Variants in ZPBP observed in about 807,000 individuals in gnomAD.
ZPBP encodes the protein zona pellucida-binding protein 1.
A neutral mutation model predicts 44.8 loss-of-function variants in ZPBP; 26 were observed. The ratio of observed to expected loss-of-function variants is 0.58; its 90% CI spans 0.43 to 0.81. The LOEUF is 0.81. Among genes scored for constraint, ZPBP ranks in the 30% least tolerant of loss-of-function variants. The pLI is 0.00. For synonymous variants in ZPBP, 174 were observed against 153.2 expected (o/e 1.14, Z -1.00); for missense variants, 409 against 434.0 (o/e 0.94, Z 0.51).
At chr7:49,923,077 T>G (rs977422) in intron 1 of ZPBP, among the ~76,000 whole-genome samples, 28,311 of 152,092 alleles carry the variant, frequency 0.19, 3,775 homozygotes, top group East Asian at 0.63. Context: ...ACAGATCAAA[T>G]GCAAAGAAGT....
chr7:49,902,777 A>T (rs1347526830), intron 1 of ZPBP, among the ~76,000 whole-genome samples: 1 of 152,066 alleles, frequency 6.6e-6, no homozygotes, highest in African/African-American at 2.4e-5. Context: ...GAAATATAAA[A>T]TTTTTTTGAA....
At chr7:49,968,831 G>T (rs1467572573) in intron 7 of ZPBP, among the ~76,000 whole-genome samples, 1 of 151,496 alleles carries the variant, frequency 6.6e-6, no homozygotes, top group Non-Finnish European at 1.5e-5. Flanking sequence ...CAACAGAATG[G>T]GTAAACTGAC....
At chr7:50,025,742 A>C (rs1462094628) in intron 5 of ZPBP, among the ~76,000 whole-genome samples, 3 of 151,890 alleles carry the variant, frequency 2.0e-5, no homozygotes, top group African/African-American at 7.2e-5. Context: ...TGCATGTAAA[A>C]ATGTGTGTGT....
At chr7:49,951,546 T>TC (rs1467313662) in intron 7 of ZPBP, among the ~76,000 whole-genome samples, 1 of 151,626 alleles carries the variant, frequency 6.6e-6, no homozygotes, top group East Asian at 1.9e-4. Flanking sequence ...AAACTTTTTT[T>TC]TTTTTTTTTT....
At chr7:49,861,473 A>T (rs920905796) in intron 2 of ZPBP, among the ~76,000 whole-genome samples, 1 of 152,124 alleles carries the variant, frequency 6.6e-6, no homozygotes, top group Non-Finnish European at 1.5e-5. Flanking sequence ...ATATCCCATT[A>T]TGCAGGTGAG....
At chr7:50,058,697 A>G (rs1308445519) in intron 3 of ZPBP, among the ~76,000 whole-genome samples, 2 of 152,154 alleles carry the variant, frequency 1.3e-5, no homozygotes, top group African/African-American at 2.4e-5. Flanking sequence ...AAAATATTGG[A>G]TATGAGATCA....
intron 7 of ZPBP, among the ~76,000 whole-genome samples, chr7:49,948,504 A>G (rs923118742): frequency 6.6e-6 from 1 of 151,922 alleles, no homozygotes; most frequent in Non-Finnish European, 1.5e-5. Context: ...TTTTTTTTTG[A>G]ATTTTAAACT....
chr7:49,944,588 T>A (rs546606655), intron 7 of ZPBP: 1 of 152,748 alleles, frequency 6.5e-6, no homozygotes, highest in South Asian at 2.1e-4. Flanking sequence ...GTTAGATTTT[T>A]TCATAGTTCA....
chr7:49,932,004 G>A (rs540131099), intron 1 of ZPBP, among the ~76,000 whole-genome samples: 3 of 152,342 alleles, frequency 2.0e-5, no homozygotes, highest in Admixed American at 6.5e-5. Context: ...TGGGCCTGTG[G>A]GTACACAGAG....
intron 2 of ZPBP, among the ~76,000 whole-genome samples, chr7:49,862,411 G>A (rs1327136523): frequency 2.6e-5 from 4 of 152,052 alleles, no homozygotes; most frequent in East Asian, 1.9e-4. Flanking sequence ...CATACTAACC[G>A]TGAATAGAGA....
At chr7:50,022,172 T>G (rs558881139) in intron 5 of ZPBP, among the ~76,000 whole-genome samples, 1 of 152,012 alleles carries the variant, frequency 6.6e-6, no homozygotes, top group African/African-American at 2.4e-5. Context: ...AACTTGTTAC[T>G]ACAAACAAAA....
intron 2 of ZPBP, among the ~76,000 whole-genome samples, chr7:49,894,339 A>T (rs1792274125): frequency 6.6e-6 from 1 of 152,122 alleles, no homozygotes; most frequent in Non-Finnish European, 1.5e-5. Flanking sequence ...TATTTTTTGT[A>T]GAGACGGGGT....
intron 2 of ZPBP, among the ~76,000 whole-genome samples, chr7:49,896,820 A>ACCTCAATT (rs1792404497): frequency 6.6e-6 from 1 of 151,938 alleles, no homozygotes; most frequent in South Asian, 2.1e-4. Flanking sequence ...AATGCAAACT[A>ACCTCAATT]CCTCAATTCA....
intron 5 of ZPBP, among the ~76,000 whole-genome samples, chr7:50,020,194 A>T (rs1799021815): frequency 6.6e-6 from 1 of 152,116 alleles, no homozygotes; most frequent in Non-Finnish European, 1.5e-5. Context: ...GGCAGACCTG[A>T]GTCTACCAAT....
At position 50,093,053 on chromosome 7, in the gene ZPBP, G is replaced by A; in HGVS notation, c.127+15C>T. On this transcript the variant is annotated intron_variant, in intron 1 of 7. Transcript: ENST00000046087. ...GTTGTCCCTGCGGAGCCGGCAGGGC[G>A]GCGCGGACCCTCACCTGATGAGGGC... The A allele has an allele frequency of 6.3e-7, 1 of 1,595,418 alleles. No homozygotes were observed. Among genetic ancestry groups the A allele is most frequent in the African/African-American group, 1.4e-5 (1 of 73,898 alleles).
At chr7:49,842,899 T>A in the ZPBP span, among the ~76,000 whole-genome samples, 4 of 152,324 alleles carry the variant, frequency 2.6e-5, no homozygotes, top group Middle Eastern at 3.4e-3. Flanking sequence ...CTGTTTTTTT[T>A]CCAACTTTTA....
rs539150733 is a variant in ZPBP, at chr7:49,985,308, A to G, written c.784-1789T>C. On this transcript the variant is annotated intron_variant, in intron 6 of 7. Transcript: ENST00000046087. The stretch of plus-strand genomic sequence containing the variant: ...TTTCAAAATGTGGTGATATTTTTGC[A>G]ACCAGAAATATGCCAGAGGAACTTA... Among the ~76,000 whole-genome samples, 8 of 152,324 alleles carry G rather than the reference A, an allele frequency of 5.3e-5. No homozygotes were observed. In the South Asian group the frequency reaches 1.2e-3, roughly 24 times the overall value.
chr7:50,039,584 T>G (rs1193189943), intron 4 of ZPBP, among the ~76,000 whole-genome samples: 1 of 152,094 alleles, frequency 6.6e-6, no homozygotes, highest in Non-Finnish European at 1.5e-5. Context: ...TAAATATATA[T>G]TTGCCAGTAA....
intron 3 of ZPBP, among the ~76,000 whole-genome samples, chr7:50,062,678 A>G (rs1012381611): frequency 6.6e-6 from 1 of 152,232 alleles, no homozygotes; most frequent in Non-Finnish European, 1.5e-5. Context: ...AATCAATGCA[A>G]GATGACTTAA....
Sources: gnomAD v4.1 joint callset for allele counts (sites outside exome capture counted in the v4.1 genomes callset) on GRCh38, gnomAD v4.1.1 for gene constraint, MANE v1.5 for transcripts, NCBI Gene and HGNC (gene_info 2026-07-23, HGNC 2026-07-21) for gene names.